Variants in SERPINB12 observed in about 807,000 individuals in gnomAD.
The protein encoded by SERPINB12 is serpin family B member 12.
In SERPINB12, 57 loss-of-function variants were observed where a neutral mutation model predicts 41.1. The observed-to-expected ratio is 1.39, with a 90% CI of 1.12 to 1.73. The LOEUF is 1.73. SERPINB12 is among the 40% of genes most tolerant of loss of function. The pLI is 0.00. For synonymous variants in SERPINB12, 180 were observed against 181.3 expected (o/e 0.99, Z 0.06); for missense variants, 536 against 501.9 (o/e 1.07, Z -0.65).
the SERPINB12 span, among the ~76,000 whole-genome samples, chr18:63,527,975 CG>C: frequency 7.9e-5 from 12 of 151,912 alleles, no homozygotes; most frequent in African/African-American, 2.4e-4. Flanking sequence ...TGGTTTTATA[CG>C]GGGGGAGTTT....
At chr18:63,554,009 C>A (rs182086858) in intron 1 of SERPINB12, among the ~76,000 whole-genome samples, 1 of 152,118 alleles carries the variant, frequency 6.6e-6, no homozygotes, top group Admixed American at 6.5e-5. Context: ...CTATGATTAC[C>A]CTGAAATTAG....
At chr18:63,566,441 G>C (rs1911099140) in intron 7 of SERPINB12, among the ~76,000 whole-genome samples, 166 bp from the exon 8 acceptor site, 1 of 152,178 alleles carries the variant, frequency 6.6e-6, no homozygotes, top group African/African-American at 2.4e-5. Flanking sequence ...AAAGAGGAAA[G>C]ATATTTGCTT....
Position 63,561,150 on chromosome 18 carries a change from C to T in SERPINB12, c.510C>T (p.Asn170=), listed in dbSNP as rs138772487. The change falls in exon 5 of 8, where the codon AAC becomes AAT. Residue 170 remains asparagine (N), a synonymous_variant. Transcript: ENST00000382768. The part of the protein sequence containing the change: ...TTIESVDFQK[N]PEKSRQEINF... ...TTGAAAGTGTTGATTTCCAAAAAAACCCTGAAAAATCCAGACAAGAGATTA... is the reference window on the plus strand; with the variant it reads ...TTGAAAGTGTTGATTTCCAAAAAAATCCTGAAAAATCCAGACAAGAGATTA... 401 of 1,613,494 alleles carry T rather than the reference C, an allele frequency of 2.5e-4. 3 individuals are homozygous for T. In the African/African-American group the frequency reaches 4.8e-3, roughly 19 times the overall value.
intron 2 of SERPINB12, among the ~76,000 whole-genome samples, chr18:63,557,486 T>C (rs1273126960): frequency 2.0e-5 from 3 of 152,218 alleles, no homozygotes; most frequent in African/African-American, 4.8e-5. Context: ...GTGCGGGGGT[T>C]ATGCACAACT....
At chr18:63,560,122 C>A (rs985732905) in intron 4 of SERPINB12, among the ~76,000 whole-genome samples, 7 of 152,090 alleles carry the variant, frequency 4.6e-5, no homozygotes, top group Non-Finnish European at 1.0e-4. Context: ...GTGCCAGGAT[C>A]AGGCTACCCC....
At chr18:63,531,520 G>C in the SERPINB12 span, among the ~76,000 whole-genome samples, 4 of 152,162 alleles carry the variant, frequency 2.6e-5, no homozygotes, top group South Asian at 6.2e-4. Flanking sequence ...AGAGTTCAGA[G>C]ACCTCAGCAA....
intron 4 of SERPINB12, 130 bp from the exon 5 acceptor site, chr18:63,560,955 G>C: frequency 2.9e-6 from 2 of 678,272 alleles, no homozygotes; most frequent in Non-Finnish European, 5.2e-6. Flanking sequence ...AAACTGTCAG[G>C]CCTGTCCATG....
rs1911155112 is a variant in SERPINB12 at position 63,567,586 on chromosome 18, C to T, written c.*575C>T. 6.6e-6 allele frequency among the ~76,000 whole-genome samples: 1 copy of T among 152,112 alleles called. No homozygotes were observed. The highest frequency in any genetic ancestry group is 2.4e-5 in the African/African-American group (1 of 41,418). On this transcript the variant is annotated 3_prime_UTR_variant, in exon 8 of 8. Transcript: ENST00000382768. ...CACCTAGGACAAGGCAGGGCTTGGG[C>T]GTATTTAAGTGATAGCTCAAAGATG...
At chr18:63,527,394 A>T in the SERPINB12 span, among the ~76,000 whole-genome samples, 2 of 152,164 alleles carry the variant, frequency 1.3e-5, no homozygotes, top group Non-Finnish European at 2.9e-5. Context: ...TTCAAATAAC[A>T]GTTCCATTAC....
At chr18:63,559,126 G>A (rs1261602215) in intron 3 of SERPINB12, among the ~76,000 whole-genome samples, 7 of 146,262 alleles carry the variant, frequency 4.8e-5, no homozygotes, top group African/African-American at 1.8e-4. Context: ...TTTTTTCTGA[G>A]ATGGAGTTTC....
At chr18:63,537,987 G>A (rs991300797), upstream of SERPINB12, among the ~76,000 whole-genome samples, 14 of 152,082 alleles carry the variant, frequency 9.2e-5, no homozygotes, top group Middle Eastern at 3.4e-3. Context: ...TGCAAATTTC[G>A]GATCTGTCTT....
chr18:63,556,084 T>G, intron 1 of SERPINB12, 58 bp from the exon 2 acceptor site: 1 of 1,236,580 alleles, frequency 8.1e-7, no homozygotes, highest in African/African-American at 1.5e-5. Context: ...TAAAATTGTT[T>G]GTTCACTTAT....
chr18:63,537,592 G>A (rs1227571222), upstream of SERPINB12, among the ~76,000 whole-genome samples: 1 of 152,020 alleles, frequency 6.6e-6, no homozygotes, highest in Non-Finnish European at 1.5e-5. Context: ...ATTCTTTCAT[G>A]CCCAATAAAT....
chr18:63,556,230 G>A lies in SERPINB12; in HGVS notation c.71G>A (p.Arg24His), dbSNP rs770606706. Residue 24 changes from arginine (R) to histidine (H), a missense_variant, in exon 2 of 8, where the codon CGT becomes CAT. Physicochemically the swap from Arg to His is conservative, Grantham distance 29. Coordinates refer to ENST00000382768, the MANE Select transcript of SERPINB12 (RefSeq NM_001307928.2). ...TTTCAAGAGATAGGCAAAGATGATC[G>A]TCATAAAAACATATTTTTCTCTCCC... ...DLFQEIGKDDRHKNIFFSPLS... is the reference protein window; with the variant it reads ...DLFQEIGKDDHHKNIFFSPLS... 118 of 1,613,698 alleles carry A rather than the reference G, an allele frequency of 7.3e-5. 1 individual carries two copies. Among genetic ancestry groups the A allele is most frequent in the Middle Eastern group, 1.6e-4 (1 of 6,084 alleles).
rs1246304189 is a variant in SERPINB12 at position 63,569,105 on chromosome 18, C to G, written c.*2094C>G. 2.0e-5 allele frequency among the ~76,000 whole-genome samples: 3 copies of G among 150,250 alleles called. No homozygotes were observed. In the East Asian group the frequency reaches 5.9e-4, roughly 30 times the overall value. ...TATAGGCCTGCACTGCCCGGCATTTCTTTTGTTCTTATTCTTTTACTTGGT... is the reference window on the plus strand; with the variant it reads ...TATAGGCCTGCACTGCCCGGCATTTGTTTTGTTCTTATTCTTTTACTTGGT... On this transcript the variant is annotated 3_prime_UTR_variant, in exon 8 of 8. Transcript: ENST00000382768.
chr18:63,532,251 A>C, the SERPINB12 span, among the ~76,000 whole-genome samples: 12 of 152,212 alleles, frequency 7.9e-5, no homozygotes, highest in Admixed American at 1.3e-4. Context: ...TTGTACTTAC[A>C]GTTGCTAGGA....
At chr18:63,522,270 CA>C in the SERPINB12 span, among the ~76,000 whole-genome samples, 1 of 152,268 alleles carries the variant, frequency 6.6e-6, no homozygotes, top group East Asian at 1.9e-4. Context: ...AAATCTAAGT[CA>C]AAACCTTGGT....
rs1435012880 is a variant in SERPINB12 at position 63,569,262 on chromosome 18, C to G, written c.*2251C>G. Among the ~76,000 whole-genome samples the G allele has an allele frequency of 6.6e-6, 1 of 152,072 alleles. No homozygotes were observed. Among genetic ancestry groups the G allele is most frequent in the Non-Finnish European group, 1.5e-5 (1 of 68,020 alleles). On this transcript the variant is annotated 3_prime_UTR_variant, in exon 8 of 8. Coordinates refer to ENST00000382768, the MANE Select transcript of SERPINB12 (RefSeq NM_001307928.2). Reference sequence around the variant, plus strand: ...TATGTAAATCAGTAAACATTCTTTACTAACCTTTGATTTATTAAGAAGTTT... The same window carrying G: ...TATGTAAATCAGTAAACATTCTTTAGTAACCTTTGATTTATTAAGAAGTTT...
the SERPINB12 span, among the ~76,000 whole-genome samples, chr18:63,529,455 C>G: frequency 0.063 from 9,546 of 152,200 alleles, 622 homozygotes; most frequent in East Asian, 0.29. Context: ...ATCTTCATGG[C>G]TTTCCCAGGC....
Sources: allele counts gnomAD v4.1 joint callset (sites outside exome capture counted in the v4.1 genomes callset), GRCh38; gene constraint gnomAD v4.1.1; transcripts MANE v1.5; gene names NCBI Gene and HGNC (gene_info 2026-07-23, HGNC 2026-07-21).